Variants in CPSF4L observed in about 807,000 individuals in gnomAD.
CPSF4L encodes the protein cleavage and polyadenylation specific factor 4 like, also known as putative cleavage and polyadenylation specificity factor subunit 4-like protein.
A neutral mutation model predicts 24.0 loss-of-function variants in CPSF4L; 18 were observed. The ratio of observed to expected loss-of-function variants is 0.75; its 90% CI spans 0.52 to 1.11. CPSF4L has a LOEUF of 1.11. Ranked by LOEUF, CPSF4L falls within the 50% of genes least tolerant of loss-of-function variation. The pLI is 0.00. For missense variants in CPSF4L, 211 were observed against 221.8 expected, an observed-to-expected ratio of 0.95 and a Z score of 0.31; for synonymous variants, 72 against 77.2, an observed-to-expected ratio of 0.93 and a Z score of 0.35.
downstream of CPSF4L, chr17:73,248,388 C>T (rs779373822): frequency 2.9e-6 from 3 of 1,018,956 alleles, no homozygotes; most frequent in Admixed American, 4.2e-5. Flanking sequence ...TTTTAAACAG[C>T]CTTATAAGTT....
rs1018191311 is a variant in CPSF4L at position 73,248,581 on chromosome 17, T to A, written c.498-45A>T. On this transcript the variant is annotated intron_variant, in intron 5 of 5. Coordinates refer to ENST00000344935, the MANE Select transcript of CPSF4L (RefSeq NM_001129885.1). ...GCAGCGTGAGAATCCATACACGTAATCCATATTCACCTTCCCATCCATCCC... is the reference window on the plus strand; with the variant it reads ...GCAGCGTGAGAATCCATACACGTAAACCATATTCACCTTCCCATCCATCCC... The A allele has an allele frequency of 1.9e-6, 3 of 1,543,234 alleles. No individual in the cohort carries two copies. In the African/African-American group the frequency reaches 4.1e-5, roughly 21 times the overall value.
downstream of CPSF4L, among the ~76,000 whole-genome samples, chr17:73,243,708 A>G (rs2061893831): frequency 6.6e-6 from 1 of 151,688 alleles, no homozygotes; most frequent in Non-Finnish European, 1.5e-5. Flanking sequence ...TTGTTTTTGT[A>G]TTTTTAGTAG....
chr17:73,242,754 C>T, the CPSF4L span: 2 of 636,616 alleles, frequency 3.1e-6, no homozygotes, highest in Non-Finnish European at 5.4e-6. Context: ...TGATGTTAGC[C>T]TTTATGTGTT....
chr17:73,248,218 A>G, downstream of CPSF4L: 2 of 431,792 alleles, frequency 4.6e-6, no homozygotes, highest in Non-Finnish European at 8.4e-6. Context: ...TCACCAGATT[A>G]AAAGCTTCAT....
chr17:73,260,820 C>T, intron 2 of CPSF4L, 113 bp downstream of exon 2: 1 of 677,970 alleles, frequency 1.5e-6, no homozygotes, highest in East Asian at 2.9e-5. Flanking sequence ...ATTTTCCCTC[C>T]CCAGGTGCAA....
chr17:73,242,865 G>A, the CPSF4L span: 1 of 1,582,468 alleles, frequency 6.3e-7, no homozygotes, highest in Non-Finnish European at 8.6e-7. Flanking sequence ...TTCAGTTGCT[G>A]TAACAACAAG....
At chr17:73,243,091 T>G in the CPSF4L span, 1 of 997,248 alleles carries the variant, frequency 1.0e-6, no homozygotes, top group Non-Finnish European at 1.5e-6. Flanking sequence ...TTTTTTTTTT[T>G]TTTTTTTTTT....
Position 73,252,702 on chromosome 17 carries a change from TGGC to T in CPSF4L, c.422_424del (p.Arg141del), listed in dbSNP as rs1174620450. ...GTTGAGACACATTATTCTGGGGACA[TGGC>T]GGTATTTACACAGAGGACCTGCTGA... On this transcript the variant is annotated inframe_deletion, in exon 5 of 6. Coordinates refer to ENST00000344935, the MANE Select transcript of CPSF4L (RefSeq NM_001129885.1). 2.6e-6 allele frequency: 4 copies of T among 1,550,968 alleles called. No individual in the cohort carries two copies. The highest frequency in any genetic ancestry group is 2.7e-5 in the African/African-American group (2 of 73,012).
Position 73,261,857 on chromosome 17 carries a change from C to A in CPSF4L, c.-39G>T, listed in dbSNP as rs1283261771. ...CTGGGGCTGCGGAAGCTGCTGGAAC[C>A]CAGGCAGGTGGGCCCAATATAGCTC... On this transcript the variant is annotated 5_prime_UTR_variant, in exon 1 of 6. Coordinates refer to ENST00000344935, the MANE Select transcript of CPSF4L (RefSeq NM_001129885.1). 6.7e-7 allele frequency: 1 copy of A among 1,483,906 alleles called. No homozygotes were observed. Among genetic ancestry groups the A allele is most frequent in the Admixed American group, 2.0e-5 (1 of 50,894 alleles). The allele number at this position is 1,483,906 out of a possible 1,614,324, so 91.9% of individuals were successfully genotyped here.
chr17:73,262,007 C>T (rs1331812687), upstream of CPSF4L: 2 of 590,836 alleles, frequency 3.4e-6, no homozygotes, highest in Admixed American at 2.9e-5. Flanking sequence ...CTGCCTCACC[C>T]GGCCCACCCA....
chr17:73,252,739 A>G lies in CPSF4L; in HGVS notation c.404-16T>C. The stretch of plus-strand genomic sequence containing the variant: ...CACAGAGGACCTGCTGAGCAAAGAG[A>G]AAGTGATGAGAAGGATCCGCTTCAG... On this transcript the variant is annotated splice_polypyrimidine_tract_variant and intron_variant, in intron 4 of 5. Coordinates refer to ENST00000344935, the MANE Select transcript of CPSF4L (RefSeq NM_001129885.1). The G allele has an allele frequency of 6.6e-7, 1 of 1,523,032 alleles. No homozygotes were observed. The highest frequency in any genetic ancestry group is 1.2e-5 in the South Asian group (1 of 82,494). The allele number at this position is 1,523,032 out of a possible 1,614,324, so 94.3% of individuals were successfully genotyped here.
chr17:73,245,869 A>G (rs2061943666), downstream of CPSF4L: 1 of 324,596 alleles, frequency 3.1e-6, no homozygotes, highest in Non-Finnish European at 4.4e-6. Context: ...CTTCCTGGAA[A>G]CTTTTCAGAA....
intron 1 of CPSF4L, 129 bp downstream of exon 1, chr17:73,261,587 G>A: frequency 2.9e-6 from 2 of 679,078 alleles, no homozygotes; most frequent in Non-Finnish European, 5.1e-6. Context: ...CGTGAACCCA[G>A]GAGGCAGAGC....
chr17:73,261,465 T>C (rs908189345), intron 1 of CPSF4L, among the ~76,000 whole-genome samples: 8 of 152,174 alleles, frequency 5.3e-5, no homozygotes, highest in Admixed American at 2.6e-4. Flanking sequence ...ATTGAGACCA[T>C]CCTGGCTAAC....
chr17:73,251,049 CA>C, intron 5 of CPSF4L: 1 of 1,549,872 alleles, frequency 6.5e-7, no homozygotes, highest in Middle Eastern at 1.7e-4. Flanking sequence ...TGGGGGTTTC[CA>C]AGCTTCCACA....
At chr17:73,253,054 G>A (rs2062011718) in intron 4 of CPSF4L, among the ~76,000 whole-genome samples, 1 of 152,136 alleles carries the variant, frequency 6.6e-6, no homozygotes, top group South Asian at 2.1e-4. Context: ...AAGTATGGGA[G>A]GTACAGCTGA....
upstream of CPSF4L, among the ~76,000 whole-genome samples, chr17:73,262,545 C>T (rs931218585): frequency 2.6e-5 from 4 of 152,240 alleles, no homozygotes; most frequent in African/African-American, 9.6e-5. Flanking sequence ...ACAGGGCCAC[C>T]CAGTGCCACC....
chr17:73,250,024 T>TTA, intron 5 of CPSF4L: 1 of 450,190 alleles, frequency 2.2e-6, no homozygotes, highest in Non-Finnish European at 3.9e-6. Flanking sequence ...TGCTCCCGTT[T>TTA]TATGGATAAC....
At position 73,252,738 on chromosome 17, in the gene CPSF4L, GAA is replaced by G. The variant is rs1449090451; in HGVS notation, c.404-17_404-16del. 2.6e-6 allele frequency: 4 copies of G among 1,522,194 alleles called. No individual in the cohort carries two copies. Among genetic ancestry groups the G allele is most frequent in the Admixed American group, 2.0e-5 (1 of 49,968 alleles). The allele number at this position is 1,522,194 out of a possible 1,614,324, so 94.3% of individuals were successfully genotyped here. ...ACACAGAGGACCTGCTGAGCAAAGA[GAA>G]AGTGATGAGAAGGATCCGCTTCAGC... On this transcript the variant is annotated splice_polypyrimidine_tract_variant and intron_variant, in intron 4 of 5. Transcript: ENST00000344935.
Sources: allele counts gnomAD v4.1 joint callset (sites outside exome capture counted in the v4.1 genomes callset), GRCh38; gene constraint gnomAD v4.1.1; transcripts MANE v1.5; gene names NCBI Gene and HGNC (gene_info 2026-07-23, HGNC 2026-07-21).